The following RPS27L variants were observed in gnomAD, a reference collection of about 807,000 sequenced individuals.
RPS27L encodes ribosomal protein S27 like, also known as ribosomal protein eS27-like.
In RPS27L, 10 loss-of-function variants were observed where a neutral mutation model predicts 12.8. The ratio of observed to expected loss-of-function variants is 0.78; its 90% CI spans 0.48 to 1.33. The LOEUF is 1.33. Among genes scored for constraint, RPS27L ranks in the 40% most tolerant of loss-of-function variants. The pLI is 0.00. For missense variants in RPS27L, 81 were observed against 97.4 expected, an observed-to-expected ratio of 0.83 and a Z score of 0.71; for synonymous variants, 26 against 32.3, an observed-to-expected ratio of 0.81 and a Z score of 0.66.
chr15:63,153,068 A>C lies in RPS27L; in HGVS notation c.*964T>G, dbSNP rs937467439. 3 of 152,300 alleles carry C rather than the reference A, an allele frequency of 2.0e-5. No homozygotes were observed. Among genetic ancestry groups the C allele is most frequent in the Non-Finnish European group, 4.4e-5 (3 of 68,098 alleles). The allele number at this position is 152,300 out of a possible 1,614,324, so 9.4% of individuals were successfully genotyped here. A position where few individuals can be genotyped will look rare whatever the true frequency, so the allele number is the denominator to read the frequency against. ...CCCCAGGATTACTTCATAAACTATGAAAATGACAATGAGGCAGGCACCAGA... is the reference window on the plus strand; with the variant it reads ...CCCCAGGATTACTTCATAAACTATGCAAATGACAATGAGGCAGGCACCAGA... On this transcript the variant is annotated 3_prime_UTR_variant, in exon 4 of 4. Coordinates refer to ENST00000330964, the MANE Select transcript of RPS27L (RefSeq NM_015920.4).
rs1347508778 is a variant in RPS27L, at chr15:63,148,480, TAA to T, written c.*5550_*5551del. On this transcript the variant is annotated 3_prime_UTR_variant, in exon 4 of 4. Coordinates refer to ENST00000330964, the MANE Select transcript of RPS27L (RefSeq NM_015920.4). ...TATATAAAATGTGTAATGAGAAAAT[TAA>T]AAAGACTTTCATAGACACAAAACAC... 6 of 152,170 alleles carry T rather than the reference TAA, an allele frequency of 3.9e-5. No individual in the cohort carries two copies. Among genetic ancestry groups the T allele is most frequent in the East Asian group, 1.9e-4 (1 of 5,200 alleles). 9.4% of individuals were successfully genotyped at this position (152,170 alleles called of 1,614,324 possible).
chr15:63,155,922 T>G lies in RPS27L; in HGVS notation c.116-191A>C, dbSNP rs1453089993. On this transcript the variant is annotated intron_variant, in intron 2 of 3. Coordinates refer to ENST00000330964, the MANE Select transcript of RPS27L (RefSeq NM_015920.4). ...CAGGTAAAATCAATAATATATTTCA[T>G]TAAACTTAATATTTCCAAAATATCA... Among the ~76,000 whole-genome samples, 14 of 152,230 alleles carry G rather than the reference T, an allele frequency of 9.2e-5. No individual in the cohort carries two copies. The East Asian group carries it at 2.5e-3, about 27-fold the overall frequency.
chr15:63,153,698 T>C lies in RPS27L; in HGVS notation c.*334A>G, dbSNP rs149706858. The stretch of plus-strand genomic sequence containing the variant: ...CGAGATCGCACCACTGCACTCCAGC[T>C]TGAGTGACAGAGCAGGACTCTCTCT... On this transcript the variant is annotated 3_prime_UTR_variant, in exon 4 of 4. Coordinates refer to ENST00000330964, the MANE Select transcript of RPS27L (RefSeq NM_015920.4). The C allele has an allele frequency of 2.3e-5, 5 of 219,054 alleles. No individual in the cohort carries two copies. The East Asian group carries it at 7.0e-4, about 31-fold the overall frequency. 13.6% of individuals were successfully genotyped at this position (219,054 alleles called of 1,614,324 possible). A position where few individuals can be genotyped will look rare whatever the true frequency, so the allele number is the denominator to read the frequency against.
At chr15:63,154,533 A>G (rs2141085951) in intron 3 of RPS27L, 1 of 153,190 alleles carries the variant, frequency 6.5e-6, no homozygotes, top group Admixed American at 6.5e-5. Flanking sequence ...TGTTTCAAAA[A>G]TCTCCCAAGT....
At chr15:63,154,185 A>C in intron 3 of RPS27L, 125 bp from the exon 4 acceptor site, 1 of 724,040 alleles carries the variant, frequency 1.4e-6, no homozygotes, top group Non-Finnish European at 2.4e-6. Context: ...ACTCATATAC[A>C]GATTATTTAT....
At chr15:63,155,341 G>A in intron 3 of RPS27L, 1 of 384,938 alleles carries the variant, frequency 2.6e-6, no homozygotes. Context: ...CCTATAACAT[G>A]TAGTTATTCT....
At chr15:63,157,375 C>A in intron 1 of RPS27L, 25 bp downstream of exon 1, 1 of 1,613,994 alleles carries the variant, frequency 6.2e-7, no homozygotes, top group South Asian at 1.1e-5. Context: ...CAAAACAAAC[C>A]CGGAGCCCGA....
Position 63,153,781 on chromosome 15 carries a change from C to A in RPS27L, c.*251G>T. The A allele has an allele frequency of 5.1e-5, 20 of 391,932 alleles. No homozygotes were observed. Among genetic ancestry groups the A allele is most frequent in the South Asian group, 2.6e-4 (4 of 15,444 alleles). 24.3% of individuals were successfully genotyped at this position (391,932 alleles called of 1,614,324 possible). A position where few individuals can be genotyped will look rare whatever the true frequency, so the allele number is the denominator to read the frequency against. On this transcript the variant is annotated 3_prime_UTR_variant, in exon 4 of 4. Transcript: ENST00000330964. ...AGAATAAATTTTAAAATGTTTAAAC[C>A]AAATTCATATACACCATATATATAA...
chr15:63,154,147 A>G (rs1436741660), intron 3 of RPS27L, 87 bp from the exon 4 acceptor site: 3 of 1,082,242 alleles, frequency 2.8e-6, no homozygotes, highest in East Asian at 4.7e-5. Context: ...TAAGTAAAAT[A>G]CTGAAGTTTT....
chr15:63,156,352 C>T lies in RPS27L; in HGVS notation c.115+61G>A, dbSNP rs369680030. 1.7e-4 allele frequency: 148 copies of T among 845,826 alleles called. 3 individuals carry two copies. In the African/African-American group the frequency reaches 1.8e-3, roughly 10 times the overall value. The allele number at this position is 845,826 out of a possible 1,614,324, so 52.4% of individuals were successfully genotyped here. ...TTCTAATGTATCTTAACTATACACA[C>T]CACACTAGCAATCCCTACAGAAATT... On this transcript the variant is annotated intron_variant, in intron 2 of 3. Coordinates refer to ENST00000330964, the MANE Select transcript of RPS27L (RefSeq NM_015920.4).
intron 1 of RPS27L, 88 bp downstream of exon 1, chr15:63,157,312 G>T: frequency 7.0e-7 from 1 of 1,438,554 alleles, no homozygotes. Flanking sequence ...GACACTACAG[G>T]CCCGAGAGGC....
intron 1 of RPS27L, chr15:63,157,116 C>T (rs1477166343): frequency 1.9e-6 from 1 of 521,986 alleles, no homozygotes; most frequent in Non-Finnish European, 3.4e-6. Flanking sequence ...ATCACAACCT[C>T]AGGGGCATCC....
Position 63,157,432 on chromosome 15 carries a change from A to AC in RPS27L, c.-28dup. The stretch of plus-strand genomic sequence containing the variant: ...TTGATCCTCTTGCAAGCTCAGCCCT[A>AC]CCAGACCTCCCAGCCCACACAGCTA... On this transcript the variant is annotated 5_prime_UTR_variant, in exon 1 of 4. Coordinates refer to ENST00000330964, the MANE Select transcript of RPS27L (RefSeq NM_015920.4). 2 of 1,613,720 alleles carry AC rather than the reference A, an allele frequency of 1.2e-6. No homozygotes were observed. Among genetic ancestry groups the AC allele is most frequent in the South Asian group, 1.1e-5 (1 of 91,064 alleles).
chr15:63,156,927 T>C, intron 1 of RPS27L: 1 of 382,324 alleles, frequency 2.6e-6, no homozygotes, highest in Non-Finnish European at 4.7e-6. Context: ...TTTTTGCTCC[T>C]GTGGCTCAAC....
intron 3 of RPS27L, 26 bp downstream of exon 3, chr15:63,155,595 G>T: frequency 7.1e-7 from 1 of 1,406,120 alleles, no homozygotes; most frequent in Non-Finnish European, 9.9e-7. Context: ...TCTCATCACT[G>T]GGTTGGAGAA....
chr15:63,155,306 TA>T (rs547031306), intron 3 of RPS27L: 1 of 252,476 alleles, frequency 4.0e-6, no homozygotes, highest in African/African-American at 2.7e-5. Context: ...AAATAATAAA[TA>T]AATAAATAAA....
rs918517115 is a variant in RPS27L, at chr15:63,153,447, C to T, written c.*585G>A. The T allele has an allele frequency of 6.6e-6, 1 of 152,144 alleles. No individual in the cohort carries two copies. The highest frequency in any genetic ancestry group is 1.5e-5 in the Non-Finnish European group (1 of 68,044). The allele number at this position is 152,144 out of a possible 1,614,324, so 9.4% of individuals were successfully genotyped here. On this transcript the variant is annotated 3_prime_UTR_variant, in exon 4 of 4. Transcript: ENST00000330964. ...TAAGATGTTTCCACAGGTACAACAG[C>T]AGAACTACATTTAGAATTCACAAAT...
chr15:63,154,182 T>C (rs917087538), intron 3 of RPS27L, 122 bp from the exon 4 acceptor site: 1 of 742,786 alleles, frequency 1.3e-6, no homozygotes, highest in Non-Finnish European at 2.3e-6. Context: ...AATACTCATA[T>C]ACAGATTATT....
chr15:63,157,291 C>G (rs973760007), intron 1 of RPS27L, 109 bp downstream of exon 1: 2 of 1,236,406 alleles, frequency 1.6e-6, no homozygotes, highest in African/African-American at 1.5e-5. Context: ...TGAGCCGCCT[C>G]GCCACTCTCG....
Sources: allele counts gnomAD v4.1 joint callset (sites outside exome capture counted in the v4.1 genomes callset), GRCh38; gene constraint gnomAD v4.1.1; transcripts MANE v1.5; gene names NCBI Gene and HGNC (gene_info 2026-07-23, HGNC 2026-07-21).